Variants in OPCML observed in about 807,000 individuals in gnomAD.
OPCML encodes the protein opioid-binding protein/cell adhesion molecule.
A neutral mutation model predicts 37.8 loss-of-function variants in OPCML; 13 were observed. The observed-to-expected ratio is 0.34, with a 90% CI of 0.22 to 0.55. OPCML has a LOEUF of 0.55. Ranked by LOEUF, OPCML falls within the 20% of genes least tolerant of loss-of-function variation. The probability of loss-of-function intolerance (pLI) is 0.91; values close to 1 mark genes in which losing one functional copy is unlikely to be tolerated. For synonymous variants in OPCML, 176 were observed against 168.8 expected (o/e 1.04, Z -0.33); for missense variants, 341 against 435.6 (o/e 0.78, Z 1.93).
At chr11:133,043,197 G>A (rs990261718) in intron 1 of OPCML, among the ~76,000 whole-genome samples, 5 of 152,112 alleles carry the variant, frequency 3.3e-5, no homozygotes, top group Non-Finnish European at 7.4e-5. Context: ...GATGCAAGAG[G>A]CAGAGAGAGC....
At chr11:132,537,379 C>T (rs549243310) in intron 3 of OPCML, among the ~76,000 whole-genome samples, 11 of 152,196 alleles carry the variant, frequency 7.2e-5, no homozygotes, top group African/African-American at 1.9e-4. Context: ...AGTGGCTATC[C>T]CCTTGCAAGA....
At chr11:132,561,058 A>C (rs1376161683) in intron 3 of OPCML, among the ~76,000 whole-genome samples, 1 of 152,042 alleles carries the variant, frequency 6.6e-6, no homozygotes, top group Non-Finnish European at 1.5e-5. Context: ...GGCCCTTCTC[A>C]CTCAAATCTG....
Position 133,033,586 on chromosome 11 carries a change from C to T in OPCML, c.62-90576G>A, listed in dbSNP as rs148719220. Among the ~76,000 whole-genome samples the T allele has an allele frequency of 8.1e-3, 1,233 of 152,270 alleles. 7 individuals carry two copies. Among genetic ancestry groups the T allele is most frequent in the Middle Eastern group, 0.017 (5 of 294 alleles). The stretch of plus-strand genomic sequence containing the variant: ...AAAGCTTTTCTTATGGTTTGTGTAA[C>T]TTTACTTTGTTGGTCTTTATATAAT... On this transcript the variant is annotated intron_variant, in intron 1 of 7. Coordinates refer to ENST00000524381, the MANE Select transcript of OPCML (RefSeq NM_001012393.5).
In OPCML at chr11:133,504,008, G is replaced by A. The variant is rs747404734; in HGVS notation, c.61+28256C>T. Among the ~76,000 whole-genome samples, 4 of 151,606 alleles carry A rather than the reference G, an allele frequency of 2.6e-5. No individual in the cohort carries two copies. In the East Asian group the frequency reaches 5.8e-4, roughly 22 times the overall value. ...GATTCAGACAAGCACGGGCCAAGAC[G>A]GGCTTCCTGAGGAAGACTCTACTAG... is the stretch of plus-strand genomic sequence containing the variant. On this transcript the variant is annotated intron_variant, in intron 1 of 7. Transcript: ENST00000524381.
intron 1 of OPCML, chr11:133,024,889 G>A (rs1203699111): frequency 2.0e-6 from 2 of 985,270 alleles, no homozygotes; most frequent in Admixed American, 1.2e-4. Flanking sequence ...CCAAAATAGA[G>A]TGCATAAAGA....
chr11:132,897,247 T>A (rs1943885073), intron 2 of OPCML, among the ~76,000 whole-genome samples: 1 of 152,176 alleles, frequency 6.6e-6, no homozygotes, highest in Non-Finnish European at 1.5e-5. Context: ...TCTGCCATCA[T>A]CTGTAGATAA....
chr11:132,514,380 G>C (rs922887386), intron 4 of OPCML, among the ~76,000 whole-genome samples: 1 of 152,206 alleles, frequency 6.6e-6, no homozygotes, highest in Non-Finnish European at 1.5e-5. Context: ...GAGCTTGAAG[G>C]ATCAGTAGCT....
chr11:132,433,872 T>C (rs2096005249), intron 7 of OPCML, among the ~76,000 whole-genome samples: 1 of 152,244 alleles, frequency 6.6e-6, no homozygotes, highest in South Asian at 2.1e-4. Context: ...CATCTTGGAC[T>C]TCTAGCCTCC....
At chr11:133,354,301 GTGACGTGT>G (rs1392227342) in intron 1 of OPCML, among the ~76,000 whole-genome samples, 8 of 12,154 alleles carry the variant, frequency 6.6e-4, no homozygotes, top group Admixed American at 5.8e-3. Context: ...GCTGGTGGTG[GTGACGTGT>G]TGGTAGTGGT....
intron 1 of OPCML, among the ~76,000 whole-genome samples, chr11:133,082,709 A>AGGCCCCTCTGGAGACCGCTTC (rs1948752041): frequency 2.2e-5 from 3 of 137,534 alleles, no homozygotes; most frequent in African/African-American, 8.1e-5. Context: ...GAGGGGCTCA[A>AGGCCCCTCTGGAGACCGCTTC]GGCCCCTCTG....
intron 1 of OPCML, among the ~76,000 whole-genome samples, chr11:133,105,238 T>C (rs756012576): frequency 1.5e-4 from 23 of 152,218 alleles, no homozygotes; most frequent in Non-Finnish European, 2.9e-4. Flanking sequence ...CAATTAATTA[T>C]GTACCTGTGG....
intron 1 of OPCML, among the ~76,000 whole-genome samples, chr11:133,182,437 C>T (rs1937876687): frequency 6.6e-6 from 1 of 152,174 alleles, no homozygotes; most frequent in Admixed American, 6.5e-5. Flanking sequence ...CCAAGGCTAA[C>T]ACCTTGCCAG....
intron 1 of OPCML, among the ~76,000 whole-genome samples, chr11:133,041,433 C>T (rs1947895565): frequency 6.6e-6 from 1 of 152,134 alleles, no homozygotes; most frequent in African/African-American, 2.4e-5. Flanking sequence ...GTAGTTGCTG[C>T]TGCCACCTCT....
At chr11:132,979,202 G>C (rs537746856) in intron 1 of OPCML, among the ~76,000 whole-genome samples, 1 of 152,054 alleles carries the variant, frequency 6.6e-6, no homozygotes, top group Non-Finnish European at 1.5e-5. Flanking sequence ...GGATCACTCC[G>C]CACTTTCTGC....
At chr11:132,665,777 A>G (rs1192571821) in intron 2 of OPCML, among the ~76,000 whole-genome samples, 3 of 152,198 alleles carry the variant, frequency 2.0e-5, no homozygotes, top group Non-Finnish European at 4.4e-5. Context: ...CTAGTTTCCC[A>G]AGAAGAGGTA....
intron 2 of OPCML, among the ~76,000 whole-genome samples, chr11:132,808,066 G>A (rs1340865884): frequency 6.6e-6 from 1 of 152,190 alleles, no homozygotes. Context: ...TGAAATTGCT[G>A]TATCATATAG....
At chr11:133,159,125 G>A (rs1950107801) in intron 1 of OPCML, among the ~76,000 whole-genome samples, 1 of 152,218 alleles carries the variant, frequency 6.6e-6, no homozygotes, top group Non-Finnish European at 1.5e-5. Flanking sequence ...GTGGTTTGCT[G>A]ATCCTGAGTG....
chr11:132,894,536 A>ACCTACT (rs1398095822), intron 2 of OPCML, among the ~76,000 whole-genome samples: 5 of 152,142 alleles, frequency 3.3e-5, no homozygotes, highest in Admixed American at 6.5e-5. Context: ...GTATCCACCT[A>ACCTACT]CTGGATTAAG....
At chr11:132,600,791 A>T (rs1442529290) in intron 3 of OPCML, among the ~76,000 whole-genome samples, 2 of 150,904 alleles carry the variant, frequency 1.3e-5, no homozygotes, top group East Asian at 3.9e-4. Flanking sequence ...GACTTGTAAC[A>T]TTCTTATACT....
Sources: gnomAD v4.1 joint callset for allele counts (sites outside exome capture counted in the v4.1 genomes callset) on GRCh38, gnomAD v4.1.1 for gene constraint, MANE v1.5 for transcripts, NCBI Gene and HGNC (gene_info 2026-07-23, HGNC 2026-07-21) for gene names.